Variants in ROBO2 observed in about 807,000 individuals in gnomAD.
ROBO2 encodes roundabout guidance receptor 2, also known as roundabout homolog 2.
In ROBO2, 53 loss-of-function variants were observed where a neutral mutation model predicts 160.8. The ratio of observed to expected loss-of-function variants is 0.33; its 90% CI spans 0.26 to 0.41. ROBO2 has a LOEUF of 0.41. Ranked by LOEUF, ROBO2 falls within the 10% of genes least tolerant of loss-of-function variation. ROBO2 has a pLI of 1.00. For synonymous variants in ROBO2, 664 were observed against 611.7 expected, an observed-to-expected ratio of 1.09 and a Z score of -1.26; for missense variants, 1,577 against 1,722.4, an observed-to-expected ratio of 0.92 and a Z score of 1.49.
At chr3:76,070,482 T>G (rs1047266005) in intron 2 of ROBO2, among the ~76,000 whole-genome samples, 4 of 152,196 alleles carry the variant, frequency 2.6e-5, no homozygotes, top group African/African-American at 9.7e-5. Context: ...TGTCTTCTGA[T>G]AAGATGTTAT....
At chr3:76,268,908 C>T (rs1040639620) in intron 2 of ROBO2, among the ~76,000 whole-genome samples, 1 of 152,110 alleles carries the variant, frequency 6.6e-6, no homozygotes, top group Admixed American at 6.6e-5. Flanking sequence ...TATACTTAGA[C>T]TCTTACTCCC....
chr3:76,955,341 G>C (rs1290108721), intron 2 of ROBO2, among the ~76,000 whole-genome samples: 1 of 152,108 alleles, frequency 6.6e-6, no homozygotes, highest in Non-Finnish European at 1.5e-5. Flanking sequence ...ATACCTGCTT[G>C]AGCCCCTCTT....
intron 2 of ROBO2, among the ~76,000 whole-genome samples, chr3:76,290,473 T>A (rs753455819): frequency 5.9e-5 from 9 of 152,144 alleles, no homozygotes; most frequent in African/African-American, 9.6e-5. Context: ...AAGGGAGATA[T>A]AGTTTGACTT....
chr3:77,531,826 T>C (rs1271494724), intron 6 of ROBO2, among the ~76,000 whole-genome samples: 1 of 152,098 alleles, frequency 6.6e-6, no homozygotes, highest in Admixed American at 6.6e-5. Flanking sequence ...GTTTCTTGCA[T>C]CCCTTTTCTT....
At chr3:76,964,756 A>G (rs1246052085) in intron 2 of ROBO2, among the ~76,000 whole-genome samples, 1 of 152,202 alleles carries the variant, frequency 6.6e-6, no homozygotes, top group Non-Finnish European at 1.5e-5. Flanking sequence ...CTATAATAGC[A>G]TAGGTTCTAG....
chr3:76,464,591 T>A (rs2078267638), intron 2 of ROBO2, among the ~76,000 whole-genome samples: 1 of 151,222 alleles, frequency 6.6e-6, no homozygotes, highest in Admixed American at 6.6e-5. Context: ...AAAAAAAAAA[T>A]AAAAGAGACT....
chr3:76,466,873 A>G (rs1385827439), intron 2 of ROBO2, among the ~76,000 whole-genome samples: 1 of 152,064 alleles, frequency 6.6e-6, no homozygotes, highest in Non-Finnish European at 1.5e-5. Flanking sequence ...CGATCATGAA[A>G]TAAAATTTGC....
chr3:76,725,943 T>C (rs2093545010), intron 2 of ROBO2, among the ~76,000 whole-genome samples: 1 of 152,196 alleles, frequency 6.6e-6, no homozygotes, highest in Non-Finnish European at 1.5e-5. Context: ...TTAGTGAAAC[T>C]TCTGCCATAG....
chr3:77,370,177 G>T (rs4683998), intron 2 of ROBO2, among the ~76,000 whole-genome samples: 16,807 of 152,164 alleles, frequency 0.11, 1,843 homozygotes, highest in African/African-American at 0.25. Context: ...AAAATTGCTA[G>T]TGCATATCCA....
At chr3:76,023,703 C>T (rs1290767889) in intron 2 of ROBO2, among the ~76,000 whole-genome samples, 2 of 151,234 alleles carry the variant, frequency 1.3e-5, no homozygotes, top group African/African-American at 4.9e-5. Context: ...AATATAATGA[C>T]AATGAAAAAA....
At chr3:77,598,303 A>G (rs2094351550) in intron 19 of ROBO2, among the ~76,000 whole-genome samples, 1 of 151,736 alleles carries the variant, frequency 6.6e-6, no homozygotes, top group African/African-American at 2.4e-5. Flanking sequence ...TAATGAAGCT[A>G]CTGATTATTG....
chr3:76,794,694 C>T (rs2063576881), intron 2 of ROBO2, among the ~76,000 whole-genome samples: 1 of 151,946 alleles, frequency 6.6e-6, no homozygotes, highest in African/African-American at 2.4e-5. Flanking sequence ...TATGCCCAGA[C>T]TAAATCATTT....
chr3:77,413,012 G>T (rs1212277887), intron 2 of ROBO2, among the ~76,000 whole-genome samples: 1 of 152,140 alleles, frequency 6.6e-6, no homozygotes, highest in Non-Finnish European at 1.5e-5. Flanking sequence ...GGTCCAGCCA[G>T]CCTGGGCAAT....
intron 2 of ROBO2, among the ~76,000 whole-genome samples, chr3:77,132,041 GA>G (rs2075896295): frequency 6.6e-6 from 1 of 151,960 alleles, no homozygotes; most frequent in Non-Finnish European, 1.5e-5. Context: ...GTTTAAACTG[GA>G]TTAATTTGGG....
At chr3:76,335,276 G>A (rs1287871241) in intron 2 of ROBO2, among the ~76,000 whole-genome samples, 3 of 145,610 alleles carry the variant, frequency 2.1e-5, no homozygotes, top group African/African-American at 5.1e-5. Flanking sequence ...CCACTCCTGG[G>A]TCCAAGCAAT....
At chr3:77,311,595 C>T (rs541579765) in intron 2 of ROBO2, among the ~76,000 whole-genome samples, 6 of 152,320 alleles carry the variant, frequency 3.9e-5, no homozygotes, top group South Asian at 2.1e-4. Flanking sequence ...AGTTCCCATA[C>T]GACAGTCATC....
chr3:77,098,058 C>A, exon 2 of ROBO2: 1 of 1,592,118 alleles, frequency 6.3e-7, no homozygotes. Flanking sequence ...GATTGTGGAG[C>A]ATCCTTCCGA....
chr3:76,847,259 G>A (rs902601487), intron 2 of ROBO2, among the ~76,000 whole-genome samples: 2 of 152,088 alleles, frequency 1.3e-5, no homozygotes, highest in Non-Finnish European at 2.9e-5. Flanking sequence ...GAAGGGCATG[G>A]GGCAGTGCTG....
intron 2 of ROBO2, among the ~76,000 whole-genome samples, chr3:76,928,738 G>A (rs2077142014): frequency 6.6e-6 from 1 of 152,090 alleles, no homozygotes; most frequent in Non-Finnish European, 1.5e-5. Context: ...TTTCTCCACA[G>A]TTTTGTTAGT....
Sources: allele counts gnomAD v4.1 joint callset (sites outside exome capture counted in the v4.1 genomes callset), GRCh38; gene constraint gnomAD v4.1.1; transcripts MANE v1.5; gene names NCBI Gene and HGNC (gene_info 2026-07-23, HGNC 2026-07-21).